Variants in YPEL2 observed in about 807,000 individuals in gnomAD.
YPEL2 encodes yippee like 2.
A neutral mutation model predicts 19.1 loss-of-function variants in YPEL2; 2 were observed. That is an observed-to-expected ratio of 0.10 (90% CI 0.04 to 0.33). The LOEUF is 0.33. Ranked by LOEUF, YPEL2 falls within the 10% of genes least tolerant of loss-of-function variation. The probability of loss-of-function intolerance (pLI) is 1.00; values close to 1 mark genes in which losing one functional copy is unlikely to be tolerated. For missense variants in YPEL2, 66 were observed against 140.7 expected (o/e 0.47, Z 2.68); for synonymous variants, 52 against 50.0 (o/e 1.04, Z -0.17).
intron 2 of YPEL2, among the ~76,000 whole-genome samples, chr17:59,384,396 A>G (rs2047970041): frequency 6.6e-6 from 1 of 152,232 alleles, no homozygotes; most frequent in Non-Finnish European, 1.5e-5. Flanking sequence ...GTAGTACTTC[A>G]TCTCATATGC....
At chr17:59,392,319 C>CA (rs935730122) in intron 4 of YPEL2, among the ~76,000 whole-genome samples, 1 of 151,720 alleles carries the variant, frequency 6.6e-6, no homozygotes, top group Non-Finnish European at 1.5e-5. Context: ...GACTAAATAC[C>CA]AAAAAAATGG....
intron 2 of YPEL2, among the ~76,000 whole-genome samples, chr17:59,377,112 G>A (rs922614786): frequency 2.0e-5 from 3 of 152,204 alleles, no homozygotes; most frequent in South Asian, 4.1e-4. Flanking sequence ...GGAGTCGGTA[G>A]GTTTTGCCCA....
Position 59,397,136 on chromosome 17 carries a change from A to G in YPEL2, c.306A>G (p.Glu102=). Residue 102 remains glutamate (E), a synonymous_variant, in exon 5 of 5, where the codon GAA becomes GAG. Transcript: ENST00000312655. ...HAFESSQKYK[E]GKYIIELAHM... ...TTGAAAGCAGCCAGAAATATAAAGA[A>G]GGCAAATACATCATTGAACTAGCAC... 1 of 1,613,018 alleles carries G rather than the reference A, an allele frequency of 6.2e-7. No individual in the cohort carries two copies. Among genetic ancestry groups the G allele is most frequent in the Non-Finnish European group, 8.5e-7 (1 of 1,179,486 alleles).
chr17:59,375,549 A>C (rs1415098614), intron 2 of YPEL2, among the ~76,000 whole-genome samples: 2 of 152,070 alleles, frequency 1.3e-5, no homozygotes, highest in Non-Finnish European at 2.9e-5. Flanking sequence ...GGTGGTCCTC[A>C]GACAGCCTTA....
chr17:59,337,588 GATAAATGCT>G (rs1448979227), intron 1 of YPEL2, among the ~76,000 whole-genome samples: 8 of 152,138 alleles, frequency 5.3e-5, no homozygotes, highest in African/African-American at 1.7e-4. Context: ...TTTATAGCAT[GATAAATGCT>G]ATAAATGCTA....
chr17:59,386,333 A>T (rs951301045), intron 2 of YPEL2, among the ~76,000 whole-genome samples: 1 of 151,846 alleles, frequency 6.6e-6, no homozygotes, highest in Non-Finnish European at 1.5e-5. Context: ...TTGGGGGAAA[A>T]AAAAAAGGAA....
At chr17:59,332,137 C>CAGGTTTGGGGCGGGGGT (rs1176206394) in intron 1 of YPEL2, among the ~76,000 whole-genome samples, 4 of 152,068 alleles carry the variant, frequency 2.6e-5, no homozygotes, top group African/African-American at 9.7e-5. Flanking sequence ...TCTGCGGGGC[C>CAGGTTTGGGGCGGGGGT]AGGTTTGGGG....
intron 4 of YPEL2, among the ~76,000 whole-genome samples, chr17:59,392,157 G>C (rs916402302): frequency 1.3e-5 from 2 of 152,170 alleles, no homozygotes; most frequent in Admixed American, 6.5e-5. Flanking sequence ...TTCTGCCCCT[G>C]CCCCTGTTTC....
intron 1 of YPEL2, among the ~76,000 whole-genome samples, chr17:59,332,304 G>A (rs2147930124): frequency 6.6e-6 from 1 of 152,290 alleles, no homozygotes; most frequent in African/African-American, 2.4e-5. Context: ...CAGGGGCGCC[G>A]CCCTGGGGGC....
chr17:59,349,574 T>C (rs2047777068), intron 1 of YPEL2, among the ~76,000 whole-genome samples: 4 of 152,022 alleles, frequency 2.6e-5, no homozygotes, highest in Admixed American at 6.6e-5. Context: ...CTCAAACTCC[T>C]GACCTCAAGT....
At chr17:59,361,107 C>G (rs1021781839) in intron 2 of YPEL2, among the ~76,000 whole-genome samples, 8 of 152,206 alleles carry the variant, frequency 5.3e-5, no homozygotes, top group African/African-American at 1.9e-4. Context: ...GCTGGGATTA[C>G]AGATGTGAGC....
intron 4 of YPEL2, among the ~76,000 whole-genome samples, chr17:59,390,152 C>T (rs929133596): frequency 6.6e-6 from 1 of 152,156 alleles, no homozygotes; most frequent in Non-Finnish European, 1.5e-5. Flanking sequence ...AGGCACGCGT[C>T]ACCATGCCTG....
At chr17:59,356,464 C>T (rs1358892793) in intron 2 of YPEL2, among the ~76,000 whole-genome samples, 8 of 152,120 alleles carry the variant, frequency 5.3e-5, no homozygotes, top group African/African-American at 1.9e-4. Flanking sequence ...TTTTTAAAAA[C>T]AAATGGAGTC....
chr17:59,389,239 A>C, intron 3 of YPEL2, 121 bp from the exon 4 acceptor site: 1 of 789,448 alleles, frequency 1.3e-6, no homozygotes. Flanking sequence ...AGATCTGCTC[A>C]GCTCAGGGTT....
At chr17:59,349,871 G>A (rs2047779192) in intron 1 of YPEL2, among the ~76,000 whole-genome samples, 1 of 151,960 alleles carries the variant, frequency 6.6e-6, no homozygotes, top group Admixed American at 6.6e-5. Context: ...ATATTGGCCA[G>A]GATGGTCTCA....
intron 2 of YPEL2, among the ~76,000 whole-genome samples, chr17:59,368,812 CAT>C (rs1366148018): frequency 5.3e-5 from 8 of 152,192 alleles, no homozygotes; most frequent in Admixed American, 1.3e-4. Context: ...GAGAATAAAA[CAT>C]AGCCTATTTT....
At chr17:59,389,550 C>T (rs917072663) in intron 4 of YPEL2, 82 bp downstream of exon 4, 3 of 1,064,444 alleles carry the variant, frequency 2.8e-6, no homozygotes, top group Non-Finnish European at 4.2e-6. Context: ...CTTCTACTCG[C>T]TTTCCATGGC....
chr17:59,335,337 C>T (rs762719376), intron 1 of YPEL2, among the ~76,000 whole-genome samples: 12 of 152,106 alleles, frequency 7.9e-5, no homozygotes, highest in Non-Finnish European at 1.6e-4. Context: ...TCCCATTGCC[C>T]TTCAGATATA....
Position 59,397,281 on chromosome 17 carries a change from C to A in YPEL2, c.*91C>A, listed in dbSNP as rs1182130324. On this transcript the variant is annotated 3_prime_UTR_variant, in exon 5 of 5. Transcript: ENST00000312655. ...GTGAGAGAGTGACTGACACTTGGTT[C>A]CATCCATTTAGGGGCCTTGCCATCC... 5 of 1,074,004 alleles carry A rather than the reference C, an allele frequency of 4.7e-6. No individual in the cohort carries two copies. The highest frequency in any genetic ancestry group is 2.1e-4 in the Middle Eastern group (1 of 4,704). The allele number at this position is 1,074,004 out of a possible 1,614,324, so 66.5% of individuals were successfully genotyped here.
Sources: gnomAD v4.1 joint callset for allele counts (sites outside exome capture counted in the v4.1 genomes callset) on GRCh38, gnomAD v4.1.1 for gene constraint, MANE v1.5 for transcripts, NCBI Gene and HGNC (gene_info 2026-07-23, HGNC 2026-07-21) for gene names.